Variants in FAAH2 observed in about 807,000 individuals in gnomAD.
The protein encoded by FAAH2 is fatty-acid amide hydrolase 2.
Under a neutral mutation model 36.9 loss-of-function variants are expected in FAAH2, and 60 were observed. The ratio of observed to expected loss-of-function variants is 1.63; its 90% CI spans 1.32 to 2.02. The LOEUF is 2.02. Among genes scored for constraint, FAAH2 ranks in the 30% most tolerant of loss-of-function variants. The probability of loss-of-function intolerance (pLI) is 0.00; values close to 1 mark genes in which losing one functional copy is unlikely to be tolerated. For missense variants in FAAH2, 689 were observed against 397.5 expected (o/e 1.73, Z -6.23); for synonymous variants, 214 against 143.8 (o/e 1.49, Z -3.49).
At chrX:57,329,202 C>T (rs917651326) in intron 3 of FAAH2, among the ~76,000 whole-genome samples, 1 of 112,051 alleles carries the variant, frequency 8.9e-6, no homozygotes, top group African/African-American at 3.2e-5. Flanking sequence ...CTTTTGTGGG[C>T]CAGTAGGTGG....
upstream of FAAH2, among the ~76,000 whole-genome samples, chrX:57,283,522 C>A (rs1169704207): frequency 1.8e-5 from 2 of 111,877 alleles, no homozygotes; most frequent in Non-Finnish European, 1.9e-5. Context: ...AGAACCACTG[C>A]AATGGCAGTG....
chrX:57,323,784 G>A (rs1279958185), intron 3 of FAAH2, among the ~76,000 whole-genome samples: 2 of 93,907 alleles, frequency 2.1e-5, no homozygotes, highest in African/African-American at 8.1e-5. Flanking sequence ...CTCCCATTTT[G>A]TAGGTTGCCT....
At chrX:57,208,294 C>T in the FAAH2 span, among the ~76,000 whole-genome samples, 1 of 112,391 alleles carries the variant, frequency 8.9e-6, no homozygotes, top group South Asian at 3.7e-4. Context: ...CAAACCTGCT[C>T]TGTCATCTCT....
chrX:57,323,303 T>C (rs1369608914), intron 3 of FAAH2, among the ~76,000 whole-genome samples: 1 of 111,784 alleles, frequency 8.9e-6, no homozygotes, highest in Non-Finnish European at 1.9e-5. Context: ...TACGTGTGCA[T>C]GTGTCTTTAT....
At chrX:57,415,854 G>A (rs1269020726) in intron 7 of FAAH2, among the ~76,000 whole-genome samples, 1 of 111,000 alleles carries the variant, frequency 9.0e-6, no homozygotes, top group Non-Finnish European at 1.9e-5. Flanking sequence ...TATTTTGTGG[G>A]AGTCTAAGTC....
chrX:57,317,742 C>T (rs1033691343), intron 3 of FAAH2, among the ~76,000 whole-genome samples: 2 of 111,843 alleles, frequency 1.8e-5, no homozygotes, highest in African/African-American at 3.2e-5. Context: ...TGCACTTATT[C>T]TAAAATTGAC....
At chrX:57,367,339 T>C (rs774629366) in intron 5 of FAAH2, among the ~76,000 whole-genome samples, 2 of 112,295 alleles carry the variant, frequency 1.8e-5, no homozygotes, top group East Asian at 5.6e-4. Context: ...AAAAGCAATG[T>C]TATCCAAAGT....
chrX:57,175,666 G>C, the FAAH2 span, among the ~76,000 whole-genome samples: 1 of 111,318 alleles, frequency 9.0e-6, no homozygotes, highest in Admixed American at 9.6e-5. Context: ...TATAGGCCCT[G>C]TGAGTTTTAT....
chrX:57,243,937 TAAC>T, the FAAH2 span, among the ~76,000 whole-genome samples: 1 of 109,034 alleles, frequency 9.2e-6, no homozygotes, highest in African/African-American at 3.3e-5. Context: ...AGGTGGATAA[TAAC>T]AAACTCCTCT....
the FAAH2 span, among the ~76,000 whole-genome samples, chrX:57,274,648 G>A: frequency 2.7e-5 from 3 of 111,298 alleles, no homozygotes; most frequent in Admixed American, 9.6e-5. Context: ...GAACAAATGA[G>A]AAAAACCACA....
At chrX:57,408,748 A>G (rs941546711) in intron 7 of FAAH2, among the ~76,000 whole-genome samples, 5 of 110,846 alleles carry the variant, frequency 4.5e-5, no homozygotes, top group Non-Finnish European at 9.5e-5. Flanking sequence ...TCTGTACTTA[A>G]TTTGTTGAGA....
intron 5 of FAAH2, among the ~76,000 whole-genome samples, chrX:57,353,487 T>TAAAAAAA (rs3035714): frequency 1.1e-4 from 9 of 83,805 alleles, no homozygotes; most frequent in Admixed American, 1.4e-4. Context: ...CCCAAATTAT[T>TAAAAAAA]AAAAAAAAAA....
At chrX:57,372,523 A>AAGTT (rs2054577042) in intron 5 of FAAH2, among the ~76,000 whole-genome samples, 1 of 109,944 alleles carries the variant, frequency 9.1e-6, no homozygotes, top group African/African-American at 3.3e-5. Context: ...TGTTTTTTCC[A>AAGTT]AGTTATCCAA....
At chrX:57,171,468 G>A in the FAAH2 span, among the ~76,000 whole-genome samples, 1 of 111,473 alleles carries the variant, frequency 9.0e-6, no homozygotes, top group South Asian at 3.7e-4. Flanking sequence ...TGGTTAAGGT[G>A]GTATCTCATT....
chrX:57,166,078 A>T, the FAAH2 span, among the ~76,000 whole-genome samples: 1 of 110,525 alleles, frequency 9.0e-6, no homozygotes, highest in Non-Finnish European at 1.9e-5. Context: ...ATCAGCAACC[A>T]CCGACAGGCC....
chrX:57,381,543 A>T, intron 7 of FAAH2: 1 of 686,625 alleles, frequency 1.5e-6, no homozygotes, highest in Non-Finnish European at 1.7e-6. Flanking sequence ...TGTAATAATA[A>T]TACAGCTTAT....
At chrX:57,229,609 C>T in the FAAH2 span, among the ~76,000 whole-genome samples, 2 of 111,575 alleles carry the variant, frequency 1.8e-5, no homozygotes, top group Non-Finnish European at 3.8e-5. Context: ...ACCTGGAAGC[C>T]CTGGTACTGC....
intron 7 of FAAH2, among the ~76,000 whole-genome samples, chrX:57,411,847 T>C (rs2055707631): frequency 8.9e-6 from 1 of 112,072 alleles, no homozygotes; most frequent in South Asian, 3.7e-4. Flanking sequence ...GAGTTTTTTG[T>C]TCCACCAGGG....
intron 8 of FAAH2, among the ~76,000 whole-genome samples, chrX:57,443,106 G>A (rs768993566): frequency 6.3e-5 from 7 of 111,082 alleles, no homozygotes; most frequent in South Asian, 3.8e-4. Context: ...TGCTCTTCTC[G>A]AGGAATATCT....
Sources: allele counts gnomAD v4.1 joint callset (sites outside exome capture counted in the v4.1 genomes callset), GRCh38; gene constraint gnomAD v4.1.1; transcripts MANE v1.5; gene names NCBI Gene and HGNC (gene_info 2026-07-23, HGNC 2026-07-21).